The following KLHL14 variants were observed in gnomAD, a reference collection of about 807,000 sequenced individuals.
The protein encoded by KLHL14 is kelch-like protein 14.
In KLHL14, 22 loss-of-function variants were observed where a neutral mutation model predicts 64.3. The observed-to-expected ratio is 0.34, with a 90% CI of 0.24 to 0.49. The LOEUF (loss-of-function observed/expected upper bound fraction) is 0.49, where lower values mean the gene tolerates loss of function less well. Ranked by LOEUF, KLHL14 falls within the 20% of genes least tolerant of loss-of-function variation. The probability of loss-of-function intolerance (pLI) is 0.99; values close to 1 mark genes in which losing one functional copy is unlikely to be tolerated. For synonymous variants in KLHL14, 322 were observed against 333.4 expected, an observed-to-expected ratio of 0.97 and a Z score of 0.37; for missense variants, 661 against 789.0, an observed-to-expected ratio of 0.84 and a Z score of 1.94.
At chr18:32,690,594 C>G (rs575675147) in intron 4 of KLHL14, among the ~76,000 whole-genome samples, 4 of 151,888 alleles carry the variant, frequency 2.6e-5, no homozygotes, top group Non-Finnish European at 4.4e-5. Context: ...CTGGGGATGG[C>G]GGTGGGCTCC....
intron 3 of KLHL14, among the ~76,000 whole-genome samples, chr18:32,735,903 G>A (rs1254648869): frequency 2.0e-5 from 3 of 152,074 alleles, no homozygotes; most frequent in Admixed American, 2.0e-4. Context: ...AGAGGGTTGG[G>A]CATTGAGATC....
chr18:32,680,176 A>G lies in KLHL14; in HGVS notation c.1581T>C (p.His527=), dbSNP rs1262084860. ...NDRLYAIGGN[H]LKGFSHLDVM... is the part of the protein sequence containing the mutation. ...AAACAACAAAAAAAAGACCTTTCAA[A>G]TGATTTCCTCCAATTGCATACAAGC... Residue 527 remains histidine, a synonymous_variant, in exon 7 of 9, where the codon CAT becomes CAC. Coordinates refer to ENST00000359358, the MANE Select transcript of KLHL14 (RefSeq NM_020805.3). The surrounding 1 kb of genome is among the most constrained non-coding windows in gnomAD (Gnocchi z 4.8). 2 of 1,613,076 alleles carry G rather than the reference A, an allele frequency of 1.2e-6. No individual in the cohort carries two copies. Among genetic ancestry groups the G allele is most frequent in the Non-Finnish European group, 1.7e-6 (2 of 1,179,450 alleles).
intron 3 of KLHL14, among the ~76,000 whole-genome samples, chr18:32,696,048 T>G (rs937964119): frequency 6.6e-6 from 1 of 152,196 alleles, no homozygotes; most frequent in South Asian, 2.1e-4. Flanking sequence ...ATGAACAAGC[T>G]GAATTTCCAT....
chr18:32,706,729 T>C (rs923583617), intron 3 of KLHL14, among the ~76,000 whole-genome samples: 1 of 152,178 alleles, frequency 6.6e-6, no homozygotes, highest in East Asian at 1.9e-4. Context: ...AGGTGTTTTT[T>C]TTTAAGTCGT....
chr18:32,706,601 G>T (rs1425158071), intron 3 of KLHL14, among the ~76,000 whole-genome samples: 1 of 152,062 alleles, frequency 6.6e-6, no homozygotes, highest in African/African-American at 2.4e-5. Flanking sequence ...ATACATACCG[G>T]GTTATCTATG....
At chr18:32,677,134 A>G (rs1181280477) in intron 8 of KLHL14, 39 bp downstream of exon 8, 1 of 1,590,080 alleles carries the variant, frequency 6.3e-7, no homozygotes, top group East Asian at 2.2e-5. Context: ...CGTAAGCACA[A>G]ACGAAATAAA....
At chr18:32,685,446 T>C (rs2049872507) in intron 5 of KLHL14, among the ~76,000 whole-genome samples, 1 of 152,160 alleles carries the variant, frequency 6.6e-6, no homozygotes, top group African/African-American at 2.4e-5. Flanking sequence ...ATGATGACAT[T>C]TCAAACATGT....
At chr18:32,734,568 T>C (rs1467932536) in intron 3 of KLHL14, among the ~76,000 whole-genome samples, 1 of 152,238 alleles carries the variant, frequency 6.6e-6, no homozygotes, top group Non-Finnish European at 1.5e-5. Flanking sequence ...GTGTGTCTTC[T>C]TTCTCAAACT....
intron 3 of KLHL14, among the ~76,000 whole-genome samples, chr18:32,704,676 C>T (rs145011222): frequency 2.6e-4 from 40 of 152,122 alleles, no homozygotes; most frequent in Non-Finnish European, 4.3e-4. Flanking sequence ...GAGTCAAGAT[C>T]GCGCCATTGC....
chr18:32,697,945 T>C (rs1478092947), intron 3 of KLHL14, among the ~76,000 whole-genome samples: 1 of 152,220 alleles, frequency 6.6e-6, no homozygotes, highest in Non-Finnish European at 1.5e-5. Flanking sequence ...TTCAGTATTC[T>C]CATTCCTGAA....
At chr18:32,729,859 G>A (rs1372086252) in intron 3 of KLHL14, among the ~76,000 whole-genome samples, 1 of 152,120 alleles carries the variant, frequency 6.6e-6, no homozygotes, top group African/African-American at 2.4e-5. Flanking sequence ...CCTAGAAAAT[G>A]CCAATAAATA....
chr18:32,727,832 C>A (rs1002334136), intron 3 of KLHL14, among the ~76,000 whole-genome samples: 2 of 152,138 alleles, frequency 1.3e-5, no homozygotes, highest in African/African-American at 4.8e-5. Context: ...ATGACATGGA[C>A]AGAGGAGTAC....
chr18:32,682,596 A>T (rs1360120815), intron 5 of KLHL14, among the ~76,000 whole-genome samples: 3 of 152,194 alleles, frequency 2.0e-5, no homozygotes, highest in Admixed American at 2.0e-4. Flanking sequence ...TTTTTCTGGT[A>T]TGAGGGACTA....
At chr18:32,719,431 A>G (rs2050064604) in intron 3 of KLHL14, among the ~76,000 whole-genome samples, 1 of 152,242 alleles carries the variant, frequency 6.6e-6, no homozygotes, top group Admixed American at 6.5e-5. Flanking sequence ...GAATTTATGA[A>G]TGGATACTTC....
intron 8 of KLHL14, among the ~76,000 whole-genome samples, chr18:32,675,544 A>G (rs549157041): frequency 1.3e-5 from 2 of 152,212 alleles, no homozygotes; most frequent in Non-Finnish European, 2.9e-5. Context: ...ACCAGTTCAA[A>G]GTAAACTGGA....
Position 32,772,107 on chromosome 18 carries a change from GGCCCGCCGGCCCGCCC to G in KLHL14, c.-44+544_-44+559del, listed in dbSNP as rs1044050658. On this transcript the variant is annotated intron_variant, in intron 1 of 8. Transcript: ENST00000359358. ...CATCCCGCCCGCGCGCCGGCCCGCC[GGCCCGCCGGCCCGCCC>G]GCCCGGGGGAGAGCCGCCGCCGCCG... The G allele has an allele frequency of 8.4e-5, 20 of 236,724 alleles. 1 individual carries two copies. The highest frequency in any genetic ancestry group is 4.1e-4 in the African/African-American group (17 of 41,544). The allele number at this position is 236,724 out of a possible 1,614,324, so 14.7% of individuals were successfully genotyped here. A position where few individuals can be genotyped will look rare whatever the true frequency, so the allele number is the denominator to read the frequency against.
At chr18:32,758,789 T>C (rs766116839) in intron 2 of KLHL14, among the ~76,000 whole-genome samples, 15 of 152,180 alleles carry the variant, frequency 9.9e-5, no homozygotes, top group Non-Finnish European at 2.2e-4. Context: ...TGTGACAACA[T>C]AGATGAACCT....
At chr18:32,728,835 A>G (rs2050120157) in intron 3 of KLHL14, among the ~76,000 whole-genome samples, 1 of 152,204 alleles carries the variant, frequency 6.6e-6, no homozygotes, top group Admixed American at 6.5e-5. Context: ...AGACAGAGAC[A>G]GAGATTGAAG....
intron 1 of KLHL14, among the ~76,000 whole-genome samples, chr18:32,771,808 C>T (rs917211799): frequency 8.6e-5 from 4 of 46,246 alleles, no homozygotes; most frequent in Non-Finnish European, 1.8e-4. Context: ...AGCGGGGGGG[C>T]GGGGGAGCAG....
Sources: gnomAD v4.1 joint callset for allele counts (sites outside exome capture counted in the v4.1 genomes callset) on GRCh38, gnomAD v4.1.1 for gene constraint, Gnocchi (gnomAD v3.1) non-coding constraint, MANE v1.5 for transcripts, NCBI Gene and HGNC (gene_info 2026-07-23, HGNC 2026-07-21) for gene names.